The following ZDHHC2 variants were observed in gnomAD, a reference collection of about 807,000 sequenced individuals.
ZDHHC2 encodes the protein palmitoyltransferase ZDHHC2.
A neutral mutation model predicts 55.6 loss-of-function variants in ZDHHC2; 51 were observed. The ratio of observed to expected loss-of-function variants is 0.92; its 90% CI spans 0.73 to 1.16. The LOEUF (loss-of-function observed/expected upper bound fraction) is 1.16, where lower values mean the gene tolerates loss of function less well. ZDHHC2 is among the 50% of genes most tolerant of loss of function. The probability of loss-of-function intolerance (pLI) is 0.00; values close to 1 mark genes in which losing one functional copy is unlikely to be tolerated. For synonymous variants in ZDHHC2, 199 were observed against 152.9 expected, an observed-to-expected ratio of 1.30 and a Z score of -2.22; for missense variants, 491 against 442.4, an observed-to-expected ratio of 1.11 and a Z score of -0.99.
intron 7 of ZDHHC2, among the ~76,000 whole-genome samples, chr8:17,206,203 A>G (rs1807095483): frequency 6.6e-6 from 1 of 152,226 alleles, no homozygotes; most frequent in South Asian, 2.1e-4. Context: ...AGTGTGGTCT[A>G]ATGTTTCTAA....
chr8:17,172,523 C>G (rs770465190), intron 1 of ZDHHC2, among the ~76,000 whole-genome samples: 1 of 152,116 alleles, frequency 6.6e-6, no homozygotes, highest in Non-Finnish European at 1.5e-5. Context: ...CATCCACGTG[C>G]CTATACTCAA....
chr8:17,216,257 A>C (rs935791427), intron 11 of ZDHHC2, among the ~76,000 whole-genome samples: 9 of 152,236 alleles, frequency 5.9e-5, no homozygotes, highest in African/African-American at 2.2e-4. Flanking sequence ...AGTTTGAAGA[A>C]ACCTCTGGGA....
chr8:17,195,514 C>G lies in ZDHHC2; in HGVS notation c.263C>G (p.Ser88Cys). Reference protein sequence around the residue: ...PMNPSKEFHLSYAEKDLLERE... With the variant: ...PMNPSKEFHLCYAEKDLLERE... Reference sequence around the variant, plus strand: ...AAATGTATTCCACAGTTCCATCTCTCTTATGCAGAGAAAGATTTGTTGGAG... The same window carrying G: ...AAATGTATTCCACAGTTCCATCTCTGTTATGCAGAGAAAGATTTGTTGGAG... Residue 88 changes from serine (S) to cysteine (C), a missense_variant, in exon 4 of 13, where the codon TCT becomes TGT. Physicochemically the swap from Ser to Cys is moderately radical, Grantham distance 112. Transcript: ENST00000262096. The G allele has an allele frequency of 1.2e-6, 2 of 1,613,234 alleles. No homozygotes were observed. The highest frequency in any genetic ancestry group is 1.7e-5 in the Admixed American group (1 of 59,890).
At chr8:17,163,638 GC>G (rs1343987739) in intron 1 of ZDHHC2, among the ~76,000 whole-genome samples, 1 of 152,126 alleles carries the variant, frequency 6.6e-6, no homozygotes, top group East Asian at 1.9e-4. Context: ...ATATCACCCA[GC>G]CTTCTCTTCT....
At chr8:17,167,931 A>G (rs1804684359) in intron 1 of ZDHHC2, among the ~76,000 whole-genome samples, 2 of 152,174 alleles carry the variant, frequency 1.3e-5, no homozygotes, top group East Asian at 3.9e-4. Flanking sequence ...TAGGTTTCAG[A>G]TAATTAACCC....
chr8:17,190,951 C>CTTTTT lies in ZDHHC2; in HGVS notation c.253-4529_253-4525dup, dbSNP rs10601402. Among the ~76,000 whole-genome samples the CTTTTT allele has an allele frequency of 4.1e-3, 214 of 52,798 alleles. 11 individuals carry two copies. Among genetic ancestry groups the CTTTTT allele is most frequent in the Non-Finnish European group, 5.5e-3 (163 of 29,456 alleles). The allele number at this position is 52,798 out of a possible 152,430, so 34.6% of individuals were successfully genotyped here. Reference sequence around the variant, plus strand: ...TGTCAAATACTAGGTCTTATTCATTCTTTTTTTTTTTTTTTTTTTTTTTTT... The same window carrying CTTTTT: ...TGTCAAATACTAGGTCTTATTCATTCTTTTTTTTTTTTTTTTTTTTTTTTTTTTTT... On this transcript the variant is annotated intron_variant, in intron 3 of 12. Transcript: ENST00000262096.
At chr8:17,158,357 C>G (rs903700404) in intron 1 of ZDHHC2, among the ~76,000 whole-genome samples, 3 of 152,170 alleles carry the variant, frequency 2.0e-5, no homozygotes, top group African/African-American at 4.8e-5. Context: ...ATATAACCTG[C>G]AAAGAAGGGA....
At chr8:17,161,048 A>G (rs761056285) in intron 1 of ZDHHC2, among the ~76,000 whole-genome samples, 8 of 152,334 alleles carry the variant, frequency 5.3e-5, no homozygotes, top group South Asian at 2.1e-4. Context: ...CTTAGGGATC[A>G]GTTTGAGAGA....
chr8:17,199,568 G>A (rs201826911), intron 6 of ZDHHC2, among the ~76,000 whole-genome samples: 7 of 49,888 alleles, frequency 1.4e-4, no homozygotes, highest in East Asian at 8.6e-4. Context: ...CGTCTTCTTC[G>A]TCTTTGTCTT....
At chr8:17,198,557 G>C (rs940535323) in intron 6 of ZDHHC2, 144 bp downstream of exon 6, 9 of 738,284 alleles carry the variant, frequency 1.2e-5, no homozygotes, top group East Asian at 3.3e-5. Flanking sequence ...TCTAATATTT[G>C]TTTAACTTAA....
intron 1 of ZDHHC2, among the ~76,000 whole-genome samples, chr8:17,183,107 G>A (rs1013520734): frequency 5.0e-4 from 76 of 152,244 alleles, no homozygotes; most frequent in African/African-American, 1.8e-3. Context: ...TTAGTTTTCA[G>A]TTCTCTCCAC....
intron 1 of ZDHHC2, among the ~76,000 whole-genome samples, chr8:17,171,294 A>T (rs994786802): frequency 2.6e-5 from 4 of 152,320 alleles, no homozygotes; most frequent in African/African-American, 9.6e-5. Flanking sequence ...TGGCACTAGG[A>T]GCCTCTTCTA....
In ZDHHC2 at chr8:17,195,533, G is replaced by A; in HGVS notation, c.282G>A (p.Leu94=). 1 of 1,613,778 alleles carries A rather than the reference G, an allele frequency of 6.2e-7. No individual in the cohort carries two copies. The highest frequency in any genetic ancestry group is 1.7e-4 in the Middle Eastern group (1 of 6,058). ...ATCTCTCTTATGCAGAGAAAGATTTGTTGGAGAGAGAGCCAAGAGGAGAAG... is the reference window on the plus strand; with the variant it reads ...ATCTCTCTTATGCAGAGAAAGATTTATTGGAGAGAGAGCCAAGAGGAGAAG... ...EFHLSYAEKD[L]LEREPRGEAH... The change falls in exon 4 of 13, where the codon TTG becomes TTA. Residue 94 remains leucine (L), a synonymous_variant. Transcript: ENST00000262096.
In ZDHHC2 at chr8:17,210,144, A is replaced by C; in HGVS notation, c.857+86A>C. ...TTTCAGGAAAAGCCTCTAGTTCCAT[A>C]GGCTTGTAATTCTGTGTAGGAACTC... On this transcript the variant is annotated intron_variant, in intron 9 of 12. Coordinates refer to ENST00000262096, the MANE Select transcript of ZDHHC2 (RefSeq NM_016353.5). The C allele has an allele frequency of 2.1e-6, 3 of 1,430,210 alleles. No individual in the cohort carries two copies. In the South Asian group the frequency reaches 4.2e-5, roughly 20 times the overall value. The allele number at this position is 1,430,210 out of a possible 1,614,324, so 88.6% of individuals were successfully genotyped here. A position where few individuals can be genotyped will look rare whatever the true frequency, so the allele number is the denominator to read the frequency against.
At chr8:17,168,386 T>C (rs954809094) in intron 1 of ZDHHC2, among the ~76,000 whole-genome samples, 5 of 152,192 alleles carry the variant, frequency 3.3e-5, no homozygotes, top group Non-Finnish European at 5.9e-5. Flanking sequence ...ACCATGGAAG[T>C]GACCAGAGGT....
chr8:17,161,618 G>A (rs140922370), intron 1 of ZDHHC2, among the ~76,000 whole-genome samples: 3,940 of 152,286 alleles, frequency 0.026, 75 homozygotes, highest in Non-Finnish European at 0.039. Context: ...AGCACTTTGG[G>A]AGGCCAAGGT....
At chr8:17,167,931 ATAAT>A (rs1216321507) in intron 1 of ZDHHC2, among the ~76,000 whole-genome samples, 1 of 152,290 alleles carries the variant, frequency 6.6e-6, no homozygotes, top group East Asian at 1.9e-4. Flanking sequence ...TAGGTTTCAG[ATAAT>A]TAACCCCCAC....
intron 1 of ZDHHC2, among the ~76,000 whole-genome samples, chr8:17,175,456 A>T (rs1805081645): frequency 6.6e-6 from 1 of 152,156 alleles, no homozygotes; most frequent in South Asian, 2.1e-4. Context: ...ACTACATGCT[A>T]ATTATTCACT....
intron 1 of ZDHHC2, among the ~76,000 whole-genome samples, chr8:17,183,646 C>T (rs1805547902): frequency 6.6e-6 from 1 of 152,154 alleles, no homozygotes; most frequent in African/African-American, 2.4e-5. Flanking sequence ...TTAAGGGGGA[C>T]ACTATAACAT....
Sources: gnomAD v4.1 joint callset for allele counts (sites outside exome capture counted in the v4.1 genomes callset) on GRCh38, gnomAD v4.1.1 for gene constraint, MANE v1.5 for transcripts, NCBI Gene and HGNC (gene_info 2026-07-23, HGNC 2026-07-21) for gene names.